ADAM19: variants seen among roughly 807,000 people sequenced by gnomAD.
The protein encoded by ADAM19 is disintegrin and metalloproteinase domain-containing protein 19.
In ADAM19, 65 loss-of-function variants were observed where a neutral mutation model predicts 114.7. The observed-to-expected ratio is 0.57, with a 90% confidence interval of 0.46 to 0.70. ADAM19 has a LOEUF of 0.70. Ranked by LOEUF, ADAM19 falls within the 30% of genes least tolerant of loss-of-function variation. The pLI is 0.00. For missense variants in ADAM19, 1,063 were observed against 1,204.7 expected (o/e 0.88, Z 1.74); for synonymous variants, 466 against 460.5 (o/e 1.01, Z -0.15).
intron 12 of ADAM19, among the ~76,000 whole-genome samples, chr5:157,500,945 A>G (rs1755542695): frequency 6.6e-6 from 1 of 152,160 alleles, no homozygotes; most frequent in African/African-American, 2.4e-5. Flanking sequence ...GCTGTGGCTC[A>G]GGCAAGTCCA....
intron 3 of ADAM19, among the ~76,000 whole-genome samples, chr5:157,561,569 T>A (rs184307603): frequency 5.9e-5 from 9 of 152,288 alleles, no homozygotes; most frequent in African/African-American, 2.2e-4. Flanking sequence ...TCATCATCTA[T>A]TAGGGCCTTG....
intron 4 of ADAM19, among the ~76,000 whole-genome samples, chr5:157,537,644 T>A (rs888712925): frequency 2.6e-5 from 4 of 152,248 alleles, no homozygotes; most frequent in Admixed American, 1.3e-4. Flanking sequence ...AAAGAACATG[T>A]ATATTTCACA....
intron 8 of ADAM19, among the ~76,000 whole-genome samples, chr5:157,512,168 G>C (rs1755941845): frequency 6.6e-6 from 1 of 152,190 alleles, no homozygotes; most frequent in African/African-American, 2.4e-5. Flanking sequence ...TGTGTCCCTA[G>C]AGTCTGTCCT....
Position 157,479,420 on chromosome 5 carries a change from C to T in ADAM19, c.*1529G>A, listed in dbSNP as rs1208566401. The T allele has an allele frequency of 1.4e-5, 14 of 986,030 alleles. No individual in the cohort carries two copies. The highest frequency in any genetic ancestry group is 1.7e-5 in the Non-Finnish European group (14 of 830,110). 61.1% of individuals were successfully genotyped at this position (986,030 alleles called of 1,614,324 possible). On this transcript the variant is annotated 3_prime_UTR_variant, in exon 23 of 23. Transcript: ENST00000257527. ...GGATGGGAGGAGGCCCCAGGAAAGC[C>T]TCAGAGGAGTGAGAGTCAGGCCAGC...
At chr5:157,503,078 C>T (rs1264380536) in intron 11 of ADAM19, 98 bp from the exon 12 acceptor site, 5 of 1,164,736 alleles carry the variant, frequency 4.3e-6, no homozygotes, top group Non-Finnish European at 6.2e-6. Context: ...GTGGGGCTGA[C>T]TCCACCTGGG....
Position 157,478,645 on chromosome 5 carries a change from G to C in ADAM19, c.*2304C>G, listed in dbSNP as rs929032253. 1.0e-6 allele frequency: 1 copy of C among 985,764 alleles called. No individual in the cohort carries two copies. The highest frequency in any genetic ancestry group is 1.7e-5 in the African/African-American group (1 of 57,236). 61.1% of individuals were successfully genotyped at this position (985,764 alleles called of 1,614,324 possible). A position where few individuals can be genotyped will look rare whatever the true frequency, so the allele number is the denominator to read the frequency against. On this transcript the variant is annotated 3_prime_UTR_variant, in exon 23 of 23. Transcript: ENST00000257527. ...TCCTCCTGGGCAGCCTCCCTGAACA[G>C]AGCCAGGAGTGAAGCATTAGTAGAA... is the stretch of plus-strand genomic sequence containing the variant.
rs140900233 is a variant in ADAM19, at chr5:157,499,579, C to G, written c.1392G>C (p.Gln464His). 1.1e-4 allele frequency: 178 copies of G among 1,612,880 alleles called. No individual in the cohort carries two copies. The highest frequency in any genetic ancestry group is 1.4e-4 in the Non-Finnish European group (163 of 1,179,620). ...GGAGAAAAGGGCCACTTACCTTACA[C>G]TGGTGGCAGCAGGAGCCGTGAGCAC... ...AECAHGSCCH[Q>H]CKLLAPGTLC... Residue 464 changes from glutamine (Q) to histidine (H), a missense_variant, in exon 13 of 23, where the codon CAG becomes CAC. By Grantham distance (24) the Gln-to-His change is conservative. Around this residue, in one of 3 missense-constraint regions of ADAM19, gnomAD observed 615 missense variants for 706.3 expected, o/e 0.87. Coordinates refer to ENST00000257527, the MANE Select transcript of ADAM19 (RefSeq NM_033274.5).
intron 21 of ADAM19, among the ~76,000 whole-genome samples, chr5:157,486,314 A>C (rs1754928730): frequency 6.6e-6 from 1 of 152,052 alleles, no homozygotes; most frequent in Non-Finnish European, 1.5e-5. Context: ...GTGGCAGCCC[A>C]ATGTCATCAC....
At chr5:157,494,875 G>A in intron 14 of ADAM19, 80 bp from the exon 15 acceptor site, 1 of 1,141,376 alleles carries the variant, frequency 8.8e-7, no homozygotes, top group South Asian at 1.3e-5. Context: ...GTAAAGTCAT[G>A]AAGGTAAGAA....
At position 157,502,793 on chromosome 5, in the gene ADAM19, GAC is replaced by G; in HGVS notation, c.1308+8_1308+9del. On this transcript the variant is annotated splice_region_variant and intron_variant, in intron 12 of 22. Coordinates refer to ENST00000257527, the MANE Select transcript of ADAM19 (RefSeq NM_033274.5). ...CTTCCCCTCCCACTAGCACCATTGT[GAC>G]CCCTCACCTCTTCTTCTCCACAGTC... is the stretch of plus-strand genomic sequence containing the variant. 6.2e-7 allele frequency: 1 copy of G among 1,612,096 alleles called. No homozygotes were observed. The highest frequency in any genetic ancestry group is 8.5e-7 in the Non-Finnish European group (1 of 1,178,418).
rs778772999 is a variant in ADAM19, at chr5:157,479,017, C to G, written c.*1932G>C. On this transcript the variant is annotated 3_prime_UTR_variant, in exon 23 of 23. Coordinates refer to ENST00000257527, the MANE Select transcript of ADAM19 (RefSeq NM_033274.5). ...GAGGGGTGAAAGGGGATGTTTTCACCTTTACTTTCCAGGAACCAAGCCTTG... is the reference window on the plus strand; with the variant it reads ...GAGGGGTGAAAGGGGATGTTTTCACGTTTACTTTCCAGGAACCAAGCCTTG... 1 of 985,518 alleles carries G rather than the reference C, an allele frequency of 1.0e-6. No individual in the cohort carries two copies. Among genetic ancestry groups the G allele is most frequent in the African/African-American group, 1.7e-5 (1 of 57,182 alleles). The allele number at this position is 985,518 out of a possible 1,614,324, so 61.0% of individuals were successfully genotyped here. A position where few individuals can be genotyped will look rare whatever the true frequency, so the allele number is the denominator to read the frequency against.
chr5:157,575,524 C>G, intron 1 of ADAM19, 79 bp downstream of exon 1: 1 of 1,128,398 alleles, frequency 8.9e-7, no homozygotes, highest in Non-Finnish European at 1.2e-6. Context: ...GGGTCGCGGT[C>G]CCAGCGCTCC....
At chr5:157,483,780 C>G (rs971718103) in intron 21 of ADAM19, among the ~76,000 whole-genome samples, 10 of 151,964 alleles carry the variant, frequency 6.6e-5, no homozygotes, top group African/African-American at 2.4e-4. Flanking sequence ...ATTACAGGCA[C>G]CCACCACCAT....
chr5:157,507,545 C>G (rs1311491301), intron 9 of ADAM19, among the ~76,000 whole-genome samples: 1 of 152,234 alleles, frequency 6.6e-6, no homozygotes, highest in African/African-American at 2.4e-5. Flanking sequence ...CTTCCACCAG[C>G]TGCCGGGATC....
intron 14 of ADAM19, among the ~76,000 whole-genome samples, chr5:157,495,472 C>A (rs558588861): frequency 1.5e-4 from 23 of 152,240 alleles, no homozygotes; most frequent in African/African-American, 5.3e-4. Context: ...GAAAATTTTT[C>A]TTGTAGTCAT....
intron 1 of ADAM19, 37 bp downstream of exon 1, chr5:157,575,566 C>T: frequency 2.8e-6 from 4 of 1,420,424 alleles, no homozygotes; most frequent in Non-Finnish European, 2.8e-6. Flanking sequence ...GGTCTCCGGG[C>T]CACCCAGCCT....
At chr5:157,530,972 G>T (rs1581333081) in intron 4 of ADAM19, 89 bp from the exon 5 acceptor site, 2 of 1,146,794 alleles carry the variant, frequency 1.7e-6, no homozygotes, top group South Asian at 1.2e-5. Flanking sequence ...ATGACTCATG[G>T]CTTATTATAT....
intron 19 of ADAM19, 125 bp from the exon 20 acceptor site, chr5:157,489,311 G>T (rs1161823644): frequency 2.8e-6 from 2 of 705,518 alleles, no homozygotes; most frequent in Non-Finnish European, 5.1e-6. Flanking sequence ...TGCTCTGGAG[G>T]GAGTGGGATT....
At chr5:157,488,243 A>C (rs779994205) in intron 21 of ADAM19, 22 bp downstream of exon 21, 3 of 1,604,492 alleles carry the variant, frequency 1.9e-6, no homozygotes, top group Non-Finnish European at 2.6e-6. Flanking sequence ...TCCCAGCCCA[A>C]GGTTGCTGAT....
Sources: allele counts gnomAD v4.1 joint callset (sites outside exome capture counted in the v4.1 genomes callset), GRCh38; gene constraint gnomAD v4.1.1; regional missense constraint gnomAD v4.1.1; transcripts MANE v1.5; gene names NCBI Gene and HGNC (gene_info 2026-07-23, HGNC 2026-07-21).